Variants in SYNDIG1 observed in about 807,000 individuals in gnomAD.
The protein encoded by SYNDIG1 is synapse differentiation-inducing gene protein 1.
SYNDIG1 carries 9 observed loss-of-function variants against 19.4 expected under a neutral mutation model. The ratio of observed to expected loss-of-function variants is 0.46; its 90% CI spans 0.28 to 0.81. The LOEUF (loss-of-function observed/expected upper bound fraction) is 0.81. SYNDIG1 is among the 30% of genes least tolerant of loss of function. The pLI, the probability that SYNDIG1 is intolerant of heterozygous loss-of-function variation, is 0.12. For missense variants in SYNDIG1, 311 were observed against 343.3 expected (o/e 0.91, Z 0.74); for synonymous variants, 141 against 145.9 (o/e 0.97, Z 0.24).
chr20:24,579,334 C>G (rs1479836513), intron 2 of SYNDIG1, among the ~76,000 whole-genome samples: 2 of 152,172 alleles, frequency 1.3e-5, no homozygotes, highest in Non-Finnish European at 2.9e-5. Context: ...CTTTTTATGG[C>G]TGCAGAGTCC....
chr20:24,471,936 A>G (rs2055477786), intron 1 of SYNDIG1, among the ~76,000 whole-genome samples: 1 of 152,228 alleles, frequency 6.6e-6, no homozygotes, highest in Middle Eastern at 3.2e-3. Flanking sequence ...ATTTGTTAAT[A>G]TCTGATAAAA....
intron 3 of SYNDIG1, among the ~76,000 whole-genome samples, chr20:24,614,666 T>C (rs1431446239): frequency 6.6e-6 from 1 of 151,924 alleles, no homozygotes; most frequent in East Asian, 1.9e-4. Context: ...GAGGGAGTCA[T>C]ATGGGAGGAA....
intron 2 of SYNDIG1, among the ~76,000 whole-genome samples, chr20:24,575,719 G>T (rs2058216693): frequency 6.6e-6 from 1 of 152,172 alleles, no homozygotes. Context: ...AATATAAAAT[G>T]ATTTAGGAAT....
chr20:24,575,850 A>C (rs2058218845), intron 2 of SYNDIG1, among the ~76,000 whole-genome samples: 2 of 152,222 alleles, frequency 1.3e-5, no homozygotes, highest in Non-Finnish European at 2.9e-5. Flanking sequence ...TTGTTTTAGA[A>C]AAGATTGCCT....
intron 3 of SYNDIG1, among the ~76,000 whole-genome samples, chr20:24,663,542 C>A (rs532349184): frequency 2.6e-5 from 4 of 152,288 alleles, no homozygotes; most frequent in African/African-American, 7.2e-5. Context: ...CCTGTCCCCC[C>A]AGAGCCCAGC....
chr20:24,552,638 C>G (rs2057727560), intron 2 of SYNDIG1, among the ~76,000 whole-genome samples: 1 of 152,106 alleles, frequency 6.6e-6, no homozygotes, highest in Non-Finnish European at 1.5e-5. Flanking sequence ...AGGACATGAA[C>G]TCATCATTTT....
At chr20:24,642,804 G>A (rs1413784185) in intron 3 of SYNDIG1, among the ~76,000 whole-genome samples, 1 of 151,996 alleles carries the variant, frequency 6.6e-6, no homozygotes, top group Non-Finnish European at 1.5e-5. Context: ...ATTTTCCTAT[G>A]GAGCCCTGGT....
chr20:24,470,439 C>T lies in SYNDIG1; in HGVS notation c.-79+686C>T, dbSNP rs571226232. ...ACCTGCCTTCAAAAGCTGTCTGGCCCCTGGCAGCCGCGACAGCCTGCAGCC... is the reference window on the plus strand; with the variant it reads ...ACCTGCCTTCAAAAGCTGTCTGGCCTCTGGCAGCCGCGACAGCCTGCAGCC... On this transcript the variant is annotated intron_variant, in intron 1 of 3. Transcript: ENST00000376862. 4.0e-5 allele frequency among the ~76,000 whole-genome samples: 6 copies of T among 151,304 alleles called. No homozygotes were observed. The East Asian group carries it at 7.7e-4, about 19-fold the overall frequency.
chr20:24,616,989 G>A (rs967482317), intron 3 of SYNDIG1, among the ~76,000 whole-genome samples: 3 of 152,110 alleles, frequency 2.0e-5, no homozygotes, highest in African/African-American at 4.8e-5. Flanking sequence ...AGGTGGCTTC[G>A]GTGGCTTCTG....
At chr20:24,560,806 T>C (rs2057928848) in intron 2 of SYNDIG1, among the ~76,000 whole-genome samples, 1 of 151,292 alleles carries the variant, frequency 6.6e-6, no homozygotes, top group African/African-American at 2.4e-5. Context: ...TTGAATGATA[T>C]AGCATAGCAA....
Position 24,658,590 on chromosome 20 carries a change from G to A in SYNDIG1, c.619-6756G>A, listed in dbSNP as rs964188695. Among the ~76,000 whole-genome samples the A allele has an allele frequency of 3.7e-4, 56 of 151,720 alleles. No individual in the cohort carries two copies. The highest frequency in any genetic ancestry group is 1.2e-3 in the African/African-American group (49 of 41,304). ...GTTTCATTATCTCCACCCTGACATC[G>A]AACCGTGTGGAGTATGACCCCCCAC... On this transcript the variant is annotated intron_variant, in intron 3 of 3. Coordinates refer to ENST00000376862, the MANE Select transcript of SYNDIG1 (RefSeq NM_024893.3). This position sits in a 1 kb window ranked among gnomAD's most constrained non-coding sequence, Gnocchi z 4.4.
chr20:24,530,345 C>T (rs2057230464), intron 1 of SYNDIG1, among the ~76,000 whole-genome samples: 1 of 152,110 alleles, frequency 6.6e-6, no homozygotes. Flanking sequence ...GCTTTGTGAA[C>T]AGGAAGTCCC....
chr20:24,619,131 T>C (rs1486238139), intron 3 of SYNDIG1, among the ~76,000 whole-genome samples: 1 of 152,222 alleles, frequency 6.6e-6, no homozygotes, highest in African/African-American at 2.4e-5. Context: ...CTTGAGTCTA[T>C]CTCATTGTTT....
chr20:24,531,477 A>G (rs1439877015), intron 1 of SYNDIG1, among the ~76,000 whole-genome samples: 2 of 152,230 alleles, frequency 1.3e-5, no homozygotes, highest in African/African-American at 2.4e-5. Flanking sequence ...CTAGTAAGAG[A>G]AAGTTCTGAT....
At chr20:24,535,501 C>T (rs191076365) in intron 1 of SYNDIG1, among the ~76,000 whole-genome samples, 157 of 152,222 alleles carry the variant, frequency 1.0e-3, no homozygotes, top group African/African-American at 3.6e-3. Context: ...TAATCATAAA[C>T]AGAGAGAAGC....
intron 2 of SYNDIG1, among the ~76,000 whole-genome samples, chr20:24,577,365 AC>A (rs1404627271): frequency 3.3e-5 from 5 of 151,674 alleles, no homozygotes; most frequent in Non-Finnish European, 7.4e-5. Context: ...CCCACGGAAA[AC>A]CCCTGAGGGA....
intron 2 of SYNDIG1, among the ~76,000 whole-genome samples, chr20:24,560,277 G>T (rs1170363546): frequency 6.6e-6 from 1 of 150,928 alleles, no homozygotes; most frequent in Non-Finnish European, 1.5e-5. Context: ...CACTATGTTG[G>T]CCAGGCTGGA....
At chr20:24,616,271 G>A (rs2058930736) in intron 3 of SYNDIG1, among the ~76,000 whole-genome samples, 1 of 152,064 alleles carries the variant, frequency 6.6e-6, no homozygotes, top group Non-Finnish European at 1.5e-5. Context: ...CCGAGACAGG[G>A]GCTGTGGCTC....
At chr20:24,497,755 G>T (rs2056338968) in intron 1 of SYNDIG1, among the ~76,000 whole-genome samples, 1 of 152,198 alleles carries the variant, frequency 6.6e-6, no homozygotes, top group South Asian at 2.1e-4. Context: ...AAAACCAGGA[G>T]CTAGTGAAGA....
Sources: gnomAD v4.1 joint callset for allele counts (sites outside exome capture counted in the v4.1 genomes callset) on GRCh38, gnomAD v4.1.1 for gene constraint, Gnocchi (gnomAD v3.1) non-coding constraint, MANE v1.5 for transcripts, NCBI Gene and HGNC (gene_info 2026-07-23, HGNC 2026-07-21) for gene names.